Variants in UBE2D2 observed in about 807,000 individuals in gnomAD.
UBE2D2 encodes the protein ubiquitin-conjugating enzyme E2 D2.
UBE2D2 carries 2 observed loss-of-function variants against 24.2 expected under a neutral mutation model. The ratio of observed to expected loss-of-function variants is 0.08; its 90% confidence interval spans 0.03 to 0.26. The LOEUF is 0.26. Among genes scored for constraint, UBE2D2 ranks in the 10% least tolerant of loss-of-function variants. UBE2D2 has a pLI of 1.00. For missense variants in UBE2D2, 44 were observed against 177.6 expected (o/e 0.25, Z 4.28); for synonymous variants, 58 against 56.5 (o/e 1.03, Z -0.12).
At chr5:139,576,943 CTTTTT>C in intron 1 of UBE2D2, among the ~76,000 whole-genome samples, 1 of 91,762 alleles carries the variant, frequency 1.1e-5, no homozygotes, top group African/African-American at 4.5e-5. Flanking sequence ...TGGATCTGGC[CTTTTT>C]TTTTTTTTTT....
rs1307003443 is a variant in UBE2D2, at chr5:139,606,896, C to G, written c.88+6461C>G. 4.6e-5 allele frequency among the ~76,000 whole-genome samples: 7 copies of G among 152,276 alleles called. No individual in the cohort carries two copies. In the East Asian group the frequency reaches 1.4e-3, roughly 29 times the overall value. ...CTTGGCTCACTGCAACCTCTGCCTC[C>G]CGGGTTCAAGCAGTTCTCCTGCCTC... On this transcript the variant is annotated intron_variant, in intron 2 of 6. Coordinates refer to ENST00000398733, the MANE Select transcript of UBE2D2 (RefSeq NM_003339.3).
chr5:139,534,568 GAAAAAAA>G (rs77999908), intron 1 of UBE2D2, among the ~76,000 whole-genome samples: 6 of 114,154 alleles, frequency 5.3e-5, no homozygotes, highest in African/African-American at 2.0e-4. Flanking sequence ...ACTGTCTCAG[GAAAAAAA>G]AAAAAAAAAA....
chr5:139,548,193 A>AAAAAAT, intron 1 of UBE2D2, among the ~76,000 whole-genome samples: 51 of 47,090 alleles, frequency 1.1e-3, no homozygotes, highest in East Asian at 2.6e-3. Context: ...ATAAAAAAAA[A>AAAAAAT]AAATAAATAA....
intron 1 of UBE2D2, among the ~76,000 whole-genome samples, chr5:139,585,890 T>C (rs1009185593): frequency 7.7e-5 from 11 of 143,206 alleles, no homozygotes; most frequent in Non-Finnish European, 1.2e-4. Context: ...TGAGTCGAGA[T>C]TGTGCCACTG....
At chr5:139,527,454 G>A (rs1752555175) in intron 1 of UBE2D2, among the ~76,000 whole-genome samples, 2 of 152,116 alleles carry the variant, frequency 1.3e-5, no homozygotes, top group South Asian at 2.1e-4. Flanking sequence ...AACTTATAAG[G>A]TTTTCAACAA....
At chr5:139,526,473 A>T (rs911754728) in exon 1 of UBE2D2, 1 of 152,330 alleles carries the variant, frequency 6.6e-6, no homozygotes, top group Non-Finnish European at 1.5e-5. Context: ...GACGCGATCC[A>T]AAGAGCGCTC....
At chr5:139,570,379 C>T (rs1180325275) in intron 1 of UBE2D2, among the ~76,000 whole-genome samples, 3 of 152,166 alleles carry the variant, frequency 2.0e-5, no homozygotes, top group Non-Finnish European at 4.4e-5. Context: ...CTACCTCTGT[C>T]GCCCAGGCTG....
chr5:139,586,212 C>CA (rs1207760935), intron 1 of UBE2D2, among the ~76,000 whole-genome samples: 1 of 149,002 alleles, frequency 6.7e-6, no homozygotes, highest in Admixed American at 6.7e-5. Context: ...TTTTAAATCT[C>CA]AGAATTTCAT....
Position 139,561,565 on chromosome 5 carries a change from C to T in UBE2D2, c.-227C>T, listed in dbSNP as rs1315504146. ...GCGGCGGCGGTGGCGGCTAGGGCGG[C>T]GGCGAATAAAGGGGCCGCCGCCGGG... On this transcript the variant is annotated 5_prime_UTR_variant, in exon 1 of 7. Transcript: ENST00000398733. The T allele has an allele frequency of 4.7e-6, 2 of 421,466 alleles. No individual in the cohort carries two copies. Among genetic ancestry groups the T allele is most frequent in the Non-Finnish European group, 8.3e-6 (2 of 239,668 alleles). 26.1% of individuals were successfully genotyped at this position (421,466 alleles called of 1,614,324 possible).
At chr5:139,566,400 ACAGTGGGTCACG>A (rs2126650642) in intron 1 of UBE2D2, among the ~76,000 whole-genome samples, 2 of 77,134 alleles carry the variant, frequency 2.6e-5, no homozygotes, top group East Asian at 8.3e-4. Context: ...TGGGTCATGC[ACAGTGGGTCACG>A]CCTGTAATCC....
chr5:139,535,065 G>A (rs1424052685), intron 1 of UBE2D2, among the ~76,000 whole-genome samples: 1 of 151,910 alleles, frequency 6.6e-6, no homozygotes, highest in East Asian at 1.9e-4. Flanking sequence ...GCTTGAACCT[G>A]GGAGGCAGAG....
At chr5:139,604,705 C>T (rs565894687) in intron 2 of UBE2D2, among the ~76,000 whole-genome samples, 1 of 152,060 alleles carries the variant, frequency 6.6e-6, no homozygotes, top group Admixed American at 6.6e-5. Flanking sequence ...GGCAACAAAG[C>T]AAGACCCCAT....
intron 1 of UBE2D2, 50 bp from the exon 2 acceptor site, chr5:139,600,322 A>G: frequency 1.3e-6 from 2 of 1,585,380 alleles, no homozygotes; most frequent in Non-Finnish European, 1.7e-6. Flanking sequence ...AGTAATGGAT[A>G]AAAGGTACAT....
At chr5:139,604,164 G>T (rs1401346393) in intron 2 of UBE2D2, among the ~76,000 whole-genome samples, 1 of 149,590 alleles carries the variant, frequency 6.7e-6, no homozygotes, top group Non-Finnish European at 1.5e-5. Flanking sequence ...TTTTGAGACG[G>T]AATCTCGCTT....
intron 1 of UBE2D2, among the ~76,000 whole-genome samples, chr5:139,598,919 CTTTTTTTTTTT>C (rs36027909): frequency 1.3e-5 from 1 of 76,208 alleles, no homozygotes; most frequent in Non-Finnish European, 2.3e-5. Flanking sequence ...AAATATATTC[CTTTTTTTTTTT>C]TTTTTTTTTT....
At chr5:139,575,770 A>C (rs1753456540) in intron 1 of UBE2D2, among the ~76,000 whole-genome samples, 1 of 152,238 alleles carries the variant, frequency 6.6e-6, no homozygotes, top group South Asian at 2.1e-4. Context: ...TCATGCCTAT[A>C]ATCTCAGTGC....
intron 1 of UBE2D2, among the ~76,000 whole-genome samples, chr5:139,550,293 G>A (rs983923478): frequency 6.6e-6 from 1 of 152,170 alleles, no homozygotes; most frequent in African/African-American, 2.4e-5. Flanking sequence ...ATCTAGTGGG[G>A]ACTTGGAGAA....
At chr5:139,536,786 G>A (rs534682353) in intron 1 of UBE2D2, among the ~76,000 whole-genome samples, 14 of 151,672 alleles carry the variant, frequency 9.2e-5, no homozygotes, top group Admixed American at 4.0e-4. Flanking sequence ...CACCGCACCC[G>A]GCCCACTTGC....
intron 1 of UBE2D2, among the ~76,000 whole-genome samples, chr5:139,549,765 G>A (rs1045800585): frequency 5.3e-5 from 8 of 152,234 alleles, no homozygotes; most frequent in East Asian, 1.9e-4. Context: ...ACTCCGCCCC[G>A]GCCCAGCACA....
Sources: gnomAD v4.1 joint callset for allele counts (sites outside exome capture counted in the v4.1 genomes callset) on GRCh38, gnomAD v4.1.1 for gene constraint, MANE v1.5 for transcripts, NCBI Gene and HGNC (gene_info 2026-07-23, HGNC 2026-07-21) for gene names.